The following UNC5D variants were observed in gnomAD, a reference collection of about 807,000 sequenced individuals.
The protein encoded by UNC5D is unc-5 netrin receptor D, also known as netrin receptor UNC5D.
UNC5D carries 39 observed loss-of-function variants against 105.4 expected under a neutral mutation model. The ratio of observed to expected loss-of-function variants is 0.37; its 90% confidence interval spans 0.29 to 0.48. The LOEUF is 0.48. Among genes scored for constraint, UNC5D ranks in the 20% least tolerant of loss-of-function variants. The pLI is 0.98. For synonymous variants in UNC5D, 452 were observed against 450.4 expected (o/e 1.00, Z -0.04); for missense variants, 991 against 1,202.4 (o/e 0.82, Z 2.60).
At chr8:35,556,154 A>C (rs554177909) in intron 2 of UNC5D, among the ~76,000 whole-genome samples, 1 of 152,186 alleles carries the variant, frequency 6.6e-6, no homozygotes, top group Admixed American at 6.5e-5. Flanking sequence ...GTGTACAGCA[A>C]TTGCTCAGTC....
intron 11 of UNC5D, among the ~76,000 whole-genome samples, chr8:35,747,716 A>G (rs1018629478): frequency 5.9e-5 from 9 of 152,218 alleles, no homozygotes; most frequent in Non-Finnish European, 2.9e-5. Flanking sequence ...ATTAAAAACA[A>G]AAGCCAAAGA....
At chr8:35,521,977 T>A (rs1240621356) in intron 1 of UNC5D, among the ~76,000 whole-genome samples, 3 of 152,316 alleles carry the variant, frequency 2.0e-5, no homozygotes, top group African/African-American at 7.2e-5. Context: ...TCAGGCTTTA[T>A]GTGCCTCCCT....
At chr8:35,607,923 C>T (rs1348218160) in intron 4 of UNC5D, among the ~76,000 whole-genome samples, 1 of 152,170 alleles carries the variant, frequency 6.6e-6, no homozygotes, top group East Asian at 1.9e-4. Flanking sequence ...TCAGTCTCTT[C>T]CTCCACCGAT....
intron 1 of UNC5D, among the ~76,000 whole-genome samples, chr8:35,415,151 A>G (rs1805448921): frequency 6.6e-6 from 1 of 152,122 alleles, no homozygotes; most frequent in Non-Finnish European, 1.5e-5. Context: ...ACATTATTAC[A>G]GAAGTTATGA....
chr8:35,261,288 A>G (rs1585436718), intron 1 of UNC5D, among the ~76,000 whole-genome samples: 1 of 152,182 alleles, frequency 6.6e-6, no homozygotes, highest in African/African-American at 2.4e-5. Flanking sequence ...CCATTGAGCT[A>G]TTCAGAACCC....
intron 2 of UNC5D, 26 bp from the exon 3 acceptor site, chr8:35,568,070 ATT>A: frequency 6.2e-7 from 1 of 1,610,738 alleles, no homozygotes; most frequent in Non-Finnish European, 8.5e-7. Context: ...GCCTCAGCTG[ATT>A]TGTCTCTTAT....
At position 35,235,792 on chromosome 8, in the gene UNC5D, G is replaced by C; in HGVS notation, c.8G>C (p.Arg3Thr). 8.1e-7 allele frequency: 1 copy of C among 1,229,864 alleles called. No individual in the cohort carries two copies. Among genetic ancestry groups the C allele is most frequent in the Non-Finnish European group, 1.0e-6 (1 of 986,090 alleles). The allele number at this position is 1,229,864 out of a possible 1,614,324, so 76.2% of individuals were successfully genotyped here. Residue 3 changes from arginine to threonine, a missense_variant, in exon 1 of 17, where the codon AGA (arginine) becomes ACA (threonine). Arg to Thr is a moderately conservative substitution (Grantham distance 71). This residue lies in a region of UNC5D where 944 missense variants were observed against 1,131.6 expected (regional missense o/e 0.83). Transcript: ENST00000404895. ...CGGAACGCGGCGAGGAGCATGGGGA[G>C]AGCGGCGGCCACCGCAGGCGGCGGC... is the stretch of plus-strand genomic sequence containing the variant. MG[R>T]AAATAGGGGG...
At chr8:35,781,119 T>C (rs1802483414) in intron 16 of UNC5D, among the ~76,000 whole-genome samples, 1 of 152,138 alleles carries the variant, frequency 6.6e-6, no homozygotes. Flanking sequence ...TGTGGATTTA[T>C]ACAGGGTCCA....
At chr8:35,601,159 A>C (rs979305424) in intron 4 of UNC5D, among the ~76,000 whole-genome samples, 1 of 151,996 alleles carries the variant, frequency 6.6e-6, no homozygotes, top group African/African-American at 2.4e-5. Flanking sequence ...ATTGTTCTAT[A>C]TCTCGGTTTT....
intron 1 of UNC5D, among the ~76,000 whole-genome samples, chr8:35,373,549 A>C (rs1322235681): frequency 6.6e-6 from 1 of 152,142 alleles, no homozygotes; most frequent in African/African-American, 2.4e-5. Flanking sequence ...GAGCTGGTGA[A>C]GGTTTAATTA....
At chr8:35,659,833 C>G (rs545044242) in intron 4 of UNC5D, among the ~76,000 whole-genome samples, 2 of 152,188 alleles carry the variant, frequency 1.3e-5, no homozygotes, top group Admixed American at 1.3e-4. Context: ...CAAAGTCAGC[C>G]CCTGAAAAGC....
intron 7 of UNC5D, among the ~76,000 whole-genome samples, chr8:35,691,513 C>T (rs1404066041): frequency 1.3e-5 from 2 of 152,014 alleles, no homozygotes; most frequent in Non-Finnish European, 2.9e-5. Flanking sequence ...AGGTAAATGC[C>T]CCAAGACTGG....
intron 8 of UNC5D, among the ~76,000 whole-genome samples, chr8:35,708,039 G>A (rs1031222771): frequency 3.3e-5 from 5 of 152,162 alleles, no homozygotes; most frequent in African/African-American, 1.2e-4. Context: ...CAGTGAAAGA[G>A]GGGCTTAATG....
chr8:35,425,058 A>G (rs1311796988), intron 1 of UNC5D, among the ~76,000 whole-genome samples: 1 of 152,094 alleles, frequency 6.6e-6, no homozygotes, highest in Non-Finnish European at 1.5e-5. Flanking sequence ...GGGGGGAGGG[A>G]TAGCATTAGG....
At chr8:35,598,664 A>G (rs1435941634) in intron 4 of UNC5D, among the ~76,000 whole-genome samples, 4 of 152,250 alleles carry the variant, frequency 2.6e-5, no homozygotes, top group African/African-American at 9.6e-5. Context: ...CTAACTGTCC[A>G]TCAATGGACA....
chr8:35,250,657 G>A (rs1166401183), intron 1 of UNC5D, among the ~76,000 whole-genome samples: 2 of 152,076 alleles, frequency 1.3e-5, no homozygotes, highest in Non-Finnish European at 2.9e-5. Flanking sequence ...ACCATGTCTG[G>A]CTAATTTTTT....
intron 4 of UNC5D, among the ~76,000 whole-genome samples, chr8:35,634,595 A>G (rs1425082083): frequency 2.0e-5 from 3 of 152,152 alleles, no homozygotes; most frequent in Non-Finnish European, 2.9e-5. Context: ...GGGTACAGAG[A>G]GACAAGTTAT....
At chr8:35,684,172 T>G (rs1825857043) in intron 5 of UNC5D, among the ~76,000 whole-genome samples, 1 of 152,164 alleles carries the variant, frequency 6.6e-6, no homozygotes, top group Non-Finnish European at 1.5e-5. Flanking sequence ...TCAGGTATTG[T>G]ATAAAAGAAG....
chr8:35,427,123 A>G (rs1324884001), intron 1 of UNC5D, among the ~76,000 whole-genome samples: 1 of 152,206 alleles, frequency 6.6e-6, no homozygotes, highest in Non-Finnish European at 1.5e-5. Flanking sequence ...CCAGCTCAAT[A>G]TAATATGTAG....
Sources: gnomAD v4.1 joint callset for allele counts (sites outside exome capture counted in the v4.1 genomes callset) on GRCh38, gnomAD v4.1.1 for gene constraint, gnomAD v4.1.1 regional missense constraint, MANE v1.5 for transcripts, NCBI Gene and HGNC (gene_info 2026-07-23, HGNC 2026-07-21) for gene names.